The following DISP2 variants were observed in gnomAD, a reference collection of about 807,000 sequenced individuals.
DISP2 encodes the protein dispatched RND transporter family member 2, also known as protein dispatched homolog 2.
DISP2 carries 59 observed loss-of-function variants against 95.5 expected under a neutral mutation model. The ratio of observed to expected loss-of-function variants is 0.62; its 90% CI spans 0.50 to 0.77. The LOEUF (loss-of-function observed/expected upper bound fraction) is 0.77. Among genes scored for constraint, DISP2 ranks in the 30% least tolerant of loss-of-function variants. DISP2 has a pLI of 0.00. For synonymous variants in DISP2, 827 were observed against 815.0 expected, an observed-to-expected ratio of 1.01 and a Z score of -0.25; for missense variants, 1,752 against 1,854.6, an observed-to-expected ratio of 0.94 and a Z score of 1.02.
chr15:40,373,199 G>A lies in DISP2; in HGVS notation c.*2881G>A, dbSNP rs771602187. 1.3e-5 allele frequency: 2 copies of A among 152,138 alleles called. No homozygotes were observed. Among genetic ancestry groups the A allele is most frequent in the Admixed American group, 1.3e-4 (2 of 15,274 alleles). The allele number at this position is 152,138 out of a possible 1,614,324, so 9.4% of individuals were successfully genotyped here. A position where few individuals can be genotyped will look rare whatever the true frequency, so the allele number is the denominator to read the frequency against. On this transcript the variant is annotated 3_prime_UTR_variant, in exon 8 of 8. Coordinates refer to ENST00000267889, the MANE Select transcript of DISP2 (RefSeq NM_033510.3). ...CACTTACAATGAGTGTATGGCCCTG[G>A]AGACATGGCTTACAAGCACGCTGTG...
chr15:40,358,297 C>T lies in DISP2; in HGVS notation c.-25C>T, dbSNP rs917221235. 4 of 1,272,126 alleles carry T rather than the reference C, an allele frequency of 3.1e-6. No homozygotes were observed. Among genetic ancestry groups the T allele is most frequent in the Non-Finnish European group, 3.9e-6 (4 of 1,014,604 alleles). The allele number at this position is 1,272,126 out of a possible 1,614,324, so 78.8% of individuals were successfully genotyped here. A position where few individuals can be genotyped will look rare whatever the true frequency, so the allele number is the denominator to read the frequency against. ...GCCGCCGCGGCTTCAGCACCAGCGC[C>T]CGGACAGCGGTGCCGCCCACGGGCA... On this transcript the variant is annotated 5_prime_UTR_variant, in exon 1 of 8. Transcript: ENST00000267889.
In DISP2 at chr15:40,376,323, A is replaced by C. The variant is rs1889730866; in HGVS notation, c.*6005A>C. On this transcript the variant is annotated 3_prime_UTR_variant, in exon 8 of 8. Coordinates refer to ENST00000267889, the MANE Select transcript of DISP2 (RefSeq NM_033510.3). Reference sequence around the variant, plus strand: ...CGTATCTACAAAAAATAATTTTAAAAATTAGCTGGGCATGGGCCGGGCGCG... The same window carrying C: ...CGTATCTACAAAAAATAATTTTAAACATTAGCTGGGCATGGGCCGGGCGCG... The C allele has an allele frequency of 2.0e-5, 3 of 152,240 alleles. No homozygotes were observed. The highest frequency in any genetic ancestry group is 4.4e-5 in the Non-Finnish European group (3 of 68,078). 9.4% of individuals were successfully genotyped at this position (152,240 alleles called of 1,614,324 possible). A position where few individuals can be genotyped will look rare whatever the true frequency, so the allele number is the denominator to read the frequency against.
At position 40,370,460 on chromosome 15, in the gene DISP2, C is replaced by A; in HGVS notation, c.*142C>A. On this transcript the variant is annotated 3_prime_UTR_variant, in exon 8 of 8. Coordinates refer to ENST00000267889, the MANE Select transcript of DISP2 (RefSeq NM_033510.3). ...CTCCAGCTGTGGATGTTAAACCCTG[C>A]CAGATGTCCCAGCCTTGATCTGTCT... The A allele has an allele frequency of 1.5e-6, 2 of 1,307,606 alleles. No individual in the cohort carries two copies. The highest frequency in any genetic ancestry group is 2.1e-6 in the Non-Finnish European group (2 of 967,586). The allele number at this position is 1,307,606 out of a possible 1,614,324, so 81.0% of individuals were successfully genotyped here.
In DISP2 at chr15:40,369,548, C is replaced by T. The variant is rs201590797; in HGVS notation, c.3436C>T (p.Arg1146Cys). The part of the protein sequence containing the change: ...TGDPGGEKAG[R>C]PRPGSVGGMP... ...GGACCCTGGTGGGGAGAAGGCAGGC[C>T]GCCCACGACCAGGGTCAGTGGGAGG... The change falls in exon 8 of 8, where the codon CGC becomes TGC. Residue 1146 changes from arginine (R) to cysteine (C), a missense_variant. By Grantham distance (180) the Arg-to-Cys change is radical. Coordinates refer to ENST00000267889, the MANE Select transcript of DISP2 (RefSeq NM_033510.3). 2.9e-5 allele frequency: 46 copies of T among 1,612,600 alleles called. No individual in the cohort carries two copies. The South Asian group carries it at 2.9e-4, about 10-fold the overall frequency.
Position 40,375,284 on chromosome 15 carries a change from A to G in DISP2, c.*4966A>G, listed in dbSNP as rs1259332584. On this transcript the variant is annotated 3_prime_UTR_variant, in exon 8 of 8. Transcript: ENST00000267889. ...TGTGATTACTCACATTTTTCTCAAT[A>G]TAGGGGAAAGATCAGCATTTTACCA... 1 of 152,208 alleles carries G rather than the reference A, an allele frequency of 6.6e-6. No individual in the cohort carries two copies. Among genetic ancestry groups the G allele is most frequent in the Non-Finnish European group, 1.5e-5 (1 of 68,028 alleles). The allele number at this position is 152,208 out of a possible 1,614,324, so 9.4% of individuals were successfully genotyped here. A position where few individuals can be genotyped will look rare whatever the true frequency, so the allele number is the denominator to read the frequency against.
chr15:40,365,816 CA>C (rs1334140612), intron 7 of DISP2, 91 bp downstream of exon 7: 1 of 1,304,012 alleles, frequency 7.7e-7, no homozygotes, highest in African/African-American at 1.4e-5. Context: ...CCAGGACTGC[CA>C]GGGGGTGGAC....
At position 40,368,340 on chromosome 15, in the gene DISP2, G is replaced by C; in HGVS notation, c.2228G>C (p.Ser743Thr). 5 of 1,604,606 alleles carry C rather than the reference G, an allele frequency of 3.1e-6. No homozygotes were observed. The highest frequency in any genetic ancestry group is 4.2e-6 in the Non-Finnish European group (5 of 1,177,636). ...PPPGGQVFRP[S>T]HPFERFDAEY... ...CCCGGCGGCCAGGTCTTCCGGCCCA[G>C]CCACCCCTTCGAGCGCTTCGACGCG... Residue 743 changes from serine (S) to threonine (T), a missense_variant, in exon 8 of 8, where the codon AGC becomes ACC. This residue lies in a region of DISP2 where 732 missense variants were observed against 714.6 expected (regional missense o/e 1.02). Coordinates refer to ENST00000267889, the MANE Select transcript of DISP2 (RefSeq NM_033510.3).
At chr15:40,363,520 A>G in intron 1 of DISP2, 105 bp from the exon 2 acceptor site, 1 of 831,508 alleles carries the variant, frequency 1.2e-6, no homozygotes, top group Admixed American at 2.8e-5. Context: ...ATCAACCCTG[A>G]GTCCCTGTCC....
chr15:40,368,495 C>T lies in DISP2; in HGVS notation c.2383C>T (p.Leu795=), dbSNP rs772788712. Reference sequence around the variant, plus strand: ...TCTGGACCCTCGTAGCAACAGCAGCCTGGTGAGGGACCCTGCCTTCTCGGC... The same window carrying T: ...TCTGGACCCTCGTAGCAACAGCAGCTTGGTGAGGGACCCTGCCTTCTCGGC... ...DPLDPRSNSS[L]VRDPAFSASG... The change falls in exon 8 of 8, where the codon CTG becomes TTG. Residue 795 remains leucine, a synonymous_variant. Transcript: ENST00000267889. 1 of 1,608,230 alleles carries T rather than the reference C, an allele frequency of 6.2e-7. No homozygotes were observed. The highest frequency in any genetic ancestry group is 1.7e-5 in the Admixed American group (1 of 60,022).
chr15:40,370,400 G>A lies in DISP2; in HGVS notation c.*82G>A, dbSNP rs1889622935. 7 of 1,497,656 alleles carry A rather than the reference G, an allele frequency of 4.7e-6. No homozygotes were observed. Among genetic ancestry groups the A allele is most frequent in the Non-Finnish European group, 6.2e-6 (7 of 1,129,706 alleles). The allele number at this position is 1,497,656 out of a possible 1,614,324, so 92.8% of individuals were successfully genotyped here. A position where few individuals can be genotyped will look rare whatever the true frequency, so the allele number is the denominator to read the frequency against. On this transcript the variant is annotated 3_prime_UTR_variant, in exon 8 of 8. Coordinates refer to ENST00000267889, the MANE Select transcript of DISP2 (RefSeq NM_033510.3). ...GGGCAGCAATAGGCTGGAGCCCGAA[G>A]GTATTTCTCCAGATCCACAGGGAGA...
chr15:40,372,862 C>T lies in DISP2; in HGVS notation c.*2544C>T, dbSNP rs1420570744. 1.3e-5 allele frequency: 2 copies of T among 152,162 alleles called. No individual in the cohort carries two copies. Among genetic ancestry groups the T allele is most frequent in the Admixed American group, 6.5e-5 (1 of 15,276 alleles). 9.4% of individuals were successfully genotyped at this position (152,162 alleles called of 1,614,324 possible). On this transcript the variant is annotated 3_prime_UTR_variant, in exon 8 of 8. Coordinates refer to ENST00000267889, the MANE Select transcript of DISP2 (RefSeq NM_033510.3). ...TGGGCATGAGGGATCTGAGCACACCCGAGGGCCCTACCTGGGGATTTCCAG... is the reference window on the plus strand; with the variant it reads ...TGGGCATGAGGGATCTGAGCACACCTGAGGGCCCTACCTGGGGATTTCCAG...
Position 40,370,965 on chromosome 15 carries a change from G to A in DISP2, c.*647G>A, listed in dbSNP as rs1889635498. ...GAGAAGGAGGATGGTCAGCCTTGGAGCATCTCTCAATTACGGGACAGTCCC... is the reference window on the plus strand; with the variant it reads ...GAGAAGGAGGATGGTCAGCCTTGGAACATCTCTCAATTACGGGACAGTCCC... On this transcript the variant is annotated 3_prime_UTR_variant, in exon 8 of 8. Transcript: ENST00000267889. 1 of 241,824 alleles carries A rather than the reference G, an allele frequency of 4.1e-6. No homozygotes were observed. The highest frequency in any genetic ancestry group is 8.5e-6 in the Non-Finnish European group (1 of 117,424). The allele number at this position is 241,824 out of a possible 1,614,324, so 15.0% of individuals were successfully genotyped here.
chr15:40,363,643 G>A lies in DISP2; in HGVS notation c.138G>A (p.Val46=), dbSNP rs1468971782. 6.5e-7 allele frequency: 1 copy of A among 1,548,456 alleles called. No individual in the cohort carries two copies. Residue 46 remains valine (V), a synonymous_variant, in exon 2 of 8, where the codon GTG becomes GTA. Transcript: ENST00000267889. Reference sequence around the variant, plus strand: ...TTCCTAGCACCCAGACCAAGGCTGTGCCCCCTGAGGCAAGCCCAGAGAGAA... The same window carrying A: ...TTCCTAGCACCCAGACCAAGGCTGTACCCCCTGAGGCAAGCCCAGAGAGAA... ...GSPDSTQTKA[V]PPEASPERSC...
intron 2 of DISP2, 61 bp from the exon 3 acceptor site, chr15:40,364,165 C>T (rs1358106665): frequency 6.2e-7 from 1 of 1,612,146 alleles, no homozygotes; most frequent in Non-Finnish European, 8.5e-7. Context: ...ACCTCCACCC[C>T]CAACACACGC....
rs1251697277 is a variant in DISP2, at chr15:40,364,919, C to G, written c.685C>G (p.Leu229Val). The G allele has an allele frequency of 6.2e-7, 1 of 1,614,192 alleles. No homozygotes were observed. Among genetic ancestry groups the G allele is most frequent in the Admixed American group, 1.7e-5 (1 of 60,018 alleles). The change falls in exon 5 of 8, where the codon CTG (leucine) becomes GTG (valine). Residue 229 changes from leucine to valine, a missense_variant. By Grantham distance (32) the Leu-to-Val change is conservative. This residue lies in a region of DISP2 where 342 missense variants were observed against 364.3 expected (regional missense o/e 0.94). Transcript: ENST00000267889. ...ACAAGCCCTCACAGGCCCCAGGAAG[C>G]TGCTTTTCCTTTCCCCAGACCTTGA... ...ALQALTGPRK[L>V]LFLSPDLELN...
chr15:40,367,136 A>G lies in DISP2; in HGVS notation c.1024A>G (p.Asn342Asp). 2 of 1,613,862 alleles carry G rather than the reference A, an allele frequency of 1.2e-6. No individual in the cohort carries two copies. The highest frequency in any genetic ancestry group is 1.7e-6 in the Non-Finnish European group (2 of 1,179,986). ...GTGCTGCCCCAGCTGGTCCCTGGGC[A>G]ACTATCTGGCTGTGCTCTCCAACCG... ...NQCCPSWSLG[N>D]YLAVLSNRSS... The change falls in exon 8 of 8, where the codon AAC (asparagine) becomes GAC (aspartate). Residue 342 changes from asparagine (N) to aspartate (D), a missense_variant. Physicochemically the swap from Asn to Asp is conservative, Grantham distance 23 (BLOSUM62 1). Around this residue, in one of 5 missense-constraint regions of DISP2, gnomAD observed 732 missense variants for 714.6 expected, o/e 1.02. Coordinates refer to ENST00000267889, the MANE Select transcript of DISP2 (RefSeq NM_033510.3).
Position 40,368,696 on chromosome 15 carries a change from T to G in DISP2, c.2584T>G (p.Ser862Ala). 1.2e-6 allele frequency: 2 copies of G among 1,612,918 alleles called. No individual in the cohort carries two copies. The highest frequency in any genetic ancestry group is 1.7e-6 in the Non-Finnish European group (2 of 1,180,020). ...RLGPDLCCGH[S>A]DFPWAPQFFL... ...GGGGCCTGACCTCTGCTGCGGCCACTCGGACTTCCCCTGGGCCCCCCAGTT... is the reference window on the plus strand; with the variant it reads ...GGGGCCTGACCTCTGCTGCGGCCACGCGGACTTCCCCTGGGCCCCCCAGTT... Residue 862 changes from serine to alanine, a missense_variant, in exon 8 of 8, where the codon TCG (serine) becomes GCG (alanine). Physicochemically the swap from Ser to Ala is moderately conservative, Grantham distance 99. Transcript: ENST00000267889.
chr15:40,363,239 G>C (rs1889434413), intron 1 of DISP2, among the ~76,000 whole-genome samples: 1 of 151,246 alleles, frequency 6.6e-6, no homozygotes, highest in African/African-American at 2.4e-5. Flanking sequence ...TTGAACCCGG[G>C]AGGCGGAGCT....
intron 1 of DISP2, among the ~76,000 whole-genome samples, chr15:40,359,075 T>G (rs980578937): frequency 4.6e-5 from 7 of 152,152 alleles, no homozygotes; most frequent in African/African-American, 1.7e-4. Flanking sequence ...AGCCCCATAC[T>G]GGTGGGACAG....
Sources: allele counts gnomAD v4.1 joint callset (sites outside exome capture counted in the v4.1 genomes callset), GRCh38; gene constraint gnomAD v4.1.1; regional missense constraint gnomAD v4.1.1; transcripts MANE v1.5; gene names NCBI Gene and HGNC (gene_info 2026-07-23, HGNC 2026-07-21).